TAFA2: variants seen among roughly 807,000 people sequenced by gnomAD.
The protein encoded by TAFA2 is TAFA chemokine like family member 2, also known as chemokine-like protein TAFA-2.
A neutral mutation model predicts 18.8 loss-of-function variants in TAFA2; 7 were observed. That is an observed-to-expected ratio of 0.37 (90% CI 0.21 to 0.70). TAFA2 has a LOEUF of 0.70. TAFA2 is among the 30% of genes least tolerant of loss of function. The pLI is 0.53. For synonymous variants in TAFA2, 60 were observed against 54.2 expected, an observed-to-expected ratio of 1.11 and a Z score of -0.47; for missense variants, 122 against 158.1, an observed-to-expected ratio of 0.77 and a Z score of 1.23.
At chr12:62,034,675 A>T (rs1881552496) in intron 1 of TAFA2, among the ~76,000 whole-genome samples, 2 of 152,104 alleles carry the variant, frequency 1.3e-5, no homozygotes, top group Non-Finnish European at 2.9e-5. Flanking sequence ...TTACACCATT[A>T]ATCTTCAATT....
At chr12:61,932,804 C>T (rs973320718) in intron 1 of TAFA2, among the ~76,000 whole-genome samples, 13 of 152,136 alleles carry the variant, frequency 8.5e-5, no homozygotes, top group South Asian at 2.1e-4. Context: ...CACAAGTTTC[C>T]GGCTTTCTGC....
At chr12:61,986,243 C>A (rs937779720) in intron 1 of TAFA2, among the ~76,000 whole-genome samples, 1 of 133,486 alleles carries the variant, frequency 7.5e-6, no homozygotes, top group African/African-American at 2.9e-5. Flanking sequence ...TGGCTCATTG[C>A]AGCCTCTGCC....
At chr12:62,031,043 A>G (rs1881444267) in intron 1 of TAFA2, among the ~76,000 whole-genome samples, 1 of 152,174 alleles carries the variant, frequency 6.6e-6, no homozygotes, top group Non-Finnish European at 1.5e-5. Flanking sequence ...GAGAATGACC[A>G]TGATAACTCT....
intron 4 of TAFA2, among the ~76,000 whole-genome samples, chr12:61,729,344 C>T (rs114255482): frequency 0.026 from 3,930 of 151,842 alleles, 163 homozygotes; most frequent in African/African-American, 0.09. Flanking sequence ...TAGATTTCTT[C>T]CTTGGGAACA....
At chr12:61,729,911 G>C (rs1384570112) in intron 4 of TAFA2, among the ~76,000 whole-genome samples, 1 of 152,018 alleles carries the variant, frequency 6.6e-6, no homozygotes, top group Non-Finnish European at 1.5e-5. Context: ...TATCCCATGG[G>C]GTGATCCCTC....
chr12:62,236,278 T>G (rs2062837146), intron 1 of TAFA2, among the ~76,000 whole-genome samples: 1 of 144,926 alleles, frequency 6.9e-6, no homozygotes, highest in Non-Finnish European at 1.5e-5. Context: ...TTTTCTTTTT[T>G]TTTTTTGAGC....
intron 1 of TAFA2, among the ~76,000 whole-genome samples, chr12:61,910,100 TTGTGTGTGTG>T (rs71083963): frequency 0.019 from 2,784 of 144,774 alleles, 42 homozygotes; most frequent in African/African-American, 0.043. Flanking sequence ...GTGTGTGTGT[TTGTGTGTGTG>T]TGTGTGTGTG....
chr12:61,983,486 C>T (rs1879712283), intron 1 of TAFA2, among the ~76,000 whole-genome samples: 1 of 152,126 alleles, frequency 6.6e-6, no homozygotes, highest in African/African-American at 2.4e-5. Context: ...CGGCTCACTG[C>T]AACCTCTGCC....
chr12:62,199,594 G>GTATATATATATATATATGTGTGTGTA (rs527699166), intron 1 of TAFA2, among the ~76,000 whole-genome samples: 1 of 150,208 alleles, frequency 6.7e-6, no homozygotes, highest in Non-Finnish European at 1.5e-5. Context: ...GTATGTGTGT[G>GTATATATATATATATATGTGTGTGTA]TATATATATA....
chr12:62,016,774 G>A (rs1363323130), intron 1 of TAFA2, among the ~76,000 whole-genome samples: 1 of 135,712 alleles, frequency 7.4e-6, no homozygotes, highest in Non-Finnish European at 1.7e-5. Flanking sequence ...ATTTATTATT[G>A]TGTGTACAGG....
Position 61,929,520 on chromosome 12 carries a change from G to C in TAFA2, c.-1-62094C>G, listed in dbSNP as rs553903690. Among the ~76,000 whole-genome samples the C allele has an allele frequency of 4.5e-3, 678 of 152,288 alleles. 4 individuals carry two copies. The highest frequency in any genetic ancestry group is 7.1e-3 in the Non-Finnish European group (486 of 68,028). On this transcript the variant is annotated intron_variant, in intron 1 of 4. Transcript: ENST00000416284. Reference sequence around the variant, plus strand: ...TCAGGAAACAACAGGTGCTGGAGAGGATGGGGAGAAATAGGAACGTTTTTA... The same window carrying C: ...TCAGGAAACAACAGGTGCTGGAGAGCATGGGGAGAAATAGGAACGTTTTTA...
intron 1 of TAFA2, among the ~76,000 whole-genome samples, chr12:61,927,127 C>T (rs1197409887): frequency 1.3e-5 from 2 of 149,594 alleles, no homozygotes; most frequent in African/African-American, 2.5e-5. Context: ...CCTCTTTCAC[C>T]ACTCCTATTC....
intron 2 of TAFA2, among the ~76,000 whole-genome samples, chr12:61,760,275 A>G (rs1026931747): frequency 5.3e-5 from 8 of 149,832 alleles, no homozygotes; most frequent in Non-Finnish European, 1.0e-4. Context: ...AGCTAAATAT[A>G]TAAATGAAAT....
At chr12:61,852,206 CAAAAA>C (rs200785282) in intron 2 of TAFA2, among the ~76,000 whole-genome samples, 1 of 83,184 alleles carries the variant, frequency 1.2e-5, no homozygotes. Context: ...AACTTCGTCT[CAAAAA>C]AAAAAAAAAA....
At chr12:62,232,104 T>C (rs777470037) in intron 1 of TAFA2, among the ~76,000 whole-genome samples, 1 of 152,230 alleles carries the variant, frequency 6.6e-6, no homozygotes, top group African/African-American at 2.4e-5. Context: ...GCAGGTGTGA[T>C]AGACATCACA....
intron 1 of TAFA2, chr12:62,258,625 T>A (rs953593444): frequency 3.5e-5 from 8 of 226,006 alleles, no homozygotes; most frequent in African/African-American, 1.9e-4. Flanking sequence ...GGCTATTACG[T>A]CCCAGGCAAT....
intron 1 of TAFA2, among the ~76,000 whole-genome samples, chr12:61,967,485 C>A (rs1879108006): frequency 6.6e-6 from 1 of 151,834 alleles, no homozygotes; most frequent in South Asian, 2.1e-4. Context: ...GCTACACTCC[C>A]ATTGTTTGTC....
intron 1 of TAFA2, among the ~76,000 whole-genome samples, chr12:61,988,442 C>A (rs1879889158): frequency 6.6e-6 from 1 of 152,018 alleles, no homozygotes; most frequent in African/African-American, 2.4e-5. Flanking sequence ...TATGTGAATT[C>A]ATATAGAAAG....
At chr12:61,972,943 T>C (rs1369821228) in intron 1 of TAFA2, among the ~76,000 whole-genome samples, 1 of 151,698 alleles carries the variant, frequency 6.6e-6, no homozygotes, top group East Asian at 1.9e-4. Context: ...ACTGATACTT[T>C]AGAAACGATT....
Sources: allele counts gnomAD v4.1 joint callset (sites outside exome capture counted in the v4.1 genomes callset), GRCh38; gene constraint gnomAD v4.1.1; transcripts MANE v1.5; gene names NCBI Gene and HGNC (gene_info 2026-07-23, HGNC 2026-07-21).